Variants in NOS1 observed in about 807,000 individuals in gnomAD.
NOS1 encodes nitric oxide synthase 1.
In NOS1, 51 loss-of-function variants were observed where a neutral mutation model predicts 164.5. That is an observed-to-expected ratio of 0.31 (90% confidence interval 0.25 to 0.39). The LOEUF (loss-of-function observed/expected upper bound fraction) is 0.39. NOS1 is among the 10% of genes least tolerant of loss of function. NOS1 has a pLI of 1.00. For synonymous variants in NOS1, 719 were observed against 745.8 expected, an observed-to-expected ratio of 0.96 and a Z score of 0.59; for missense variants, 1,362 against 1,885.6, an observed-to-expected ratio of 0.72 and a Z score of 5.14.
At chr12:117,265,649 C>G (rs943435267) in intron 11 of NOS1, 139 bp from the exon 12 acceptor site, 1 of 530,944 alleles carries the variant, frequency 1.9e-6, no homozygotes, top group Non-Finnish European at 3.1e-6. Flanking sequence ...TGGTGATTCT[C>G]TCTGCATTTC....
rs1956492134 is a variant in NOS1 at position 117,209,288 on chromosome 12, C to CT, written c.*6020dup. On this transcript the variant is annotated 3_prime_UTR_variant, in exon 29 of 29. Transcript: ENST00000317775. ...GATTGTTACCGTTGGCAGGACACTG[C>CT]TACAGGTATCTTGTGGATGGAGGCC... 1.0e-6 allele frequency: 1 copy of CT among 961,450 alleles called. No homozygotes were observed. 59.6% of individuals were successfully genotyped at this position (961,450 alleles called of 1,614,324 possible).
intron 1 of NOS1, among the ~76,000 whole-genome samples, chr12:117,341,454 G>C (rs1876109274): frequency 6.6e-6 from 1 of 152,118 alleles, no homozygotes; most frequent in South Asian, 2.1e-4. Flanking sequence ...AATAGATCTG[G>C]GGAATCACAG....
intron 3 of NOS1, among the ~76,000 whole-genome samples, chr12:117,310,924 G>C (rs749933269): frequency 6.6e-5 from 10 of 152,068 alleles, no homozygotes; most frequent in Non-Finnish European, 1.5e-4. Flanking sequence ...GGAGTGCAGT[G>C]GTGCAATCTC....
chr12:117,351,314 C>T (rs1046336895), intron 1 of NOS1, among the ~76,000 whole-genome samples: 1 of 152,116 alleles, frequency 6.6e-6, no homozygotes, highest in Admixed American at 6.5e-5. Flanking sequence ...CCCTTCCCTT[C>T]GCCAGCACCC....
At chr12:117,261,906 T>A (rs923518260) in intron 13 of NOS1, among the ~76,000 whole-genome samples, 1 of 152,160 alleles carries the variant, frequency 6.6e-6, no homozygotes, top group African/African-American at 2.4e-5. Flanking sequence ...AACCAGTGTC[T>A]CTTCCTTCTG....
chr12:117,354,223 C>T (rs896452549), intron 1 of NOS1, among the ~76,000 whole-genome samples: 3 of 152,094 alleles, frequency 2.0e-5, no homozygotes, highest in Non-Finnish European at 2.9e-5. Context: ...TATTTATCTA[C>T]GTATATGAGT....
At chr12:117,340,758 T>C (rs1386309526) in intron 1 of NOS1, among the ~76,000 whole-genome samples, 1 of 150,892 alleles carries the variant, frequency 6.6e-6, no homozygotes, top group Non-Finnish European at 1.5e-5. Flanking sequence ...GTAATCTTGC[T>C]CTGTTGCCCA....
chr12:117,251,838 C>G (rs1334401983), intron 17 of NOS1, among the ~76,000 whole-genome samples: 1 of 152,012 alleles, frequency 6.6e-6, no homozygotes, highest in Non-Finnish European at 1.5e-5. Context: ...CTCAAGCGAT[C>G]TTCCCACCTC....
chr12:117,334,501 A>G (rs1875709252), intron 1 of NOS1, among the ~76,000 whole-genome samples: 2 of 152,050 alleles, frequency 1.3e-5, no homozygotes, highest in South Asian at 4.2e-4. Flanking sequence ...GAATCAAACA[A>G]TTCTCTAGCC....
chr12:117,265,543 T>C (rs1187071231), intron 11 of NOS1, 33 bp from the exon 12 acceptor site: 4 of 1,418,574 alleles, frequency 2.8e-6, no homozygotes, highest in Admixed American at 5.2e-5. Context: ...GGTCAGGAGG[T>C]ATGAGAAGCT....
intron 9 of NOS1, among the ~76,000 whole-genome samples, chr12:117,275,652 T>C (rs1412456431): frequency 6.6e-6 from 1 of 152,206 alleles, no homozygotes; most frequent in African/African-American, 2.4e-5. Flanking sequence ...GGATAGTGAA[T>C]GTTTCCAATA....
chr12:117,243,464 C>G lies in NOS1; in HGVS notation c.2824-29G>C, dbSNP rs781431990. The G allele has an allele frequency of 6.2e-7, 1 of 1,610,714 alleles. No individual in the cohort carries two copies. On this transcript the variant is annotated intron_variant, in intron 18 of 28. Transcript: ENST00000317775. The surrounding 1 kb of genome is among the most constrained non-coding windows in gnomAD (Gnocchi z 4.3). The stretch of plus-strand genomic sequence containing the variant: ...TGGTGTACACAAGGCTTTCAGTGAC[C>G]TCTTTCAGCCAAGCGGATCTCCTCT...
chr12:117,232,350 G>T (rs999225606), intron 21 of NOS1, among the ~76,000 whole-genome samples: 1 of 152,038 alleles, frequency 6.6e-6, no homozygotes, highest in African/African-American at 2.4e-5. Flanking sequence ...CAAAAATTAA[G>T]AAAAATACAT....
intron 16 of NOS1, among the ~76,000 whole-genome samples, chr12:117,254,492 T>C (rs1206529824): frequency 1.3e-5 from 2 of 152,208 alleles, no homozygotes; most frequent in African/African-American, 2.4e-5. Flanking sequence ...GGACCTGGCT[T>C]GGGGTTCTGC....
intron 16 of NOS1, among the ~76,000 whole-genome samples, chr12:117,254,758 G>A (rs942678026): frequency 2.6e-5 from 4 of 152,260 alleles, no homozygotes; most frequent in East Asian, 1.9e-4. Context: ...CAGGGGCTCC[G>A]GAGCCACGTT....
chr12:117,211,588 A>T lies in NOS1; in HGVS notation c.*3721T>A, dbSNP rs1592914033. The T allele has an allele frequency of 2.0e-6, 2 of 984,478 alleles. No homozygotes were observed. Among genetic ancestry groups the T allele is most frequent in the Non-Finnish European group, 2.4e-6 (2 of 829,838 alleles). The allele number at this position is 984,478 out of a possible 1,614,324, so 61.0% of individuals were successfully genotyped here. A position where few individuals can be genotyped will look rare whatever the true frequency, so the allele number is the denominator to read the frequency against. On this transcript the variant is annotated 3_prime_UTR_variant, in exon 29 of 29. Transcript: ENST00000317775. ...GTCTGGTCCCAGCCCACCTTTTCTCACCCTCCTCAGCCTTCCAAAGCCAGC... is the reference window on the plus strand; with the variant it reads ...GTCTGGTCCCAGCCCACCTTTTCTCTCCCTCCTCAGCCTTCCAAAGCCAGC...
intron 2 of NOS1, among the ~76,000 whole-genome samples, chr12:117,329,679 A>G (rs1875432065): frequency 6.6e-6 from 1 of 152,182 alleles, no homozygotes; most frequent in Non-Finnish European, 1.5e-5. Flanking sequence ...AATTGAAAAC[A>G]TTAATCTGGC....
chr12:117,260,393 A>T, intron 14 of NOS1, 72 bp downstream of exon 14: 1 of 1,560,108 alleles, frequency 6.4e-7, no homozygotes, highest in Non-Finnish European at 8.8e-7. Flanking sequence ...TTCTCTGTTG[A>T]CTTCCCTCTC....
chr12:117,253,577 G>A (rs961901900), intron 17 of NOS1, 61 bp downstream of exon 17: 152 of 1,160,354 alleles, frequency 1.3e-4, no homozygotes, highest in Non-Finnish European at 1.9e-4. Context: ...TTGTAAGTAG[G>A]TCAAGCTCCC....
Sources: gnomAD v4.1 joint callset for allele counts (sites outside exome capture counted in the v4.1 genomes callset) on GRCh38, gnomAD v4.1.1 for gene constraint, Gnocchi (gnomAD v3.1) non-coding constraint, MANE v1.5 for transcripts, NCBI Gene and HGNC (gene_info 2026-07-23, HGNC 2026-07-21) for gene names.